The following AVEN variants were observed in gnomAD, a reference collection of about 807,000 sequenced individuals.
AVEN encodes cell death regulator Aven.
In AVEN, 41 loss-of-function variants were observed where a neutral mutation model predicts 38.1. That is an observed-to-expected ratio of 1.08 (90% CI 0.84 to 1.40). The LOEUF (loss-of-function observed/expected upper bound fraction) is 1.40. AVEN is among the 40% of genes most tolerant of loss of function. The probability of loss-of-function intolerance (pLI) is 0.00; values close to 1 mark genes in which losing one functional copy is unlikely to be tolerated. For missense variants in AVEN, 605 were observed against 438.8 expected, an observed-to-expected ratio of 1.38 and a Z score of -3.38; for synonymous variants, 206 against 171.8, an observed-to-expected ratio of 1.20 and a Z score of -1.56.
chr15:33,971,080 A>C (rs1027735210), intron 2 of AVEN, among the ~76,000 whole-genome samples: 1 of 152,036 alleles, frequency 6.6e-6, no homozygotes, highest in Non-Finnish European at 1.5e-5. Context: ...GGGTGAAAAA[A>C]AAATTGAAAA....
At chr15:33,997,941 T>C (rs1897003024) in intron 2 of AVEN, among the ~76,000 whole-genome samples, 1 of 152,176 alleles carries the variant, frequency 6.6e-6, no homozygotes, top group South Asian at 2.1e-4. Flanking sequence ...CCAACATCTA[T>C]ACCACATTTT....
At chr15:34,040,991 T>C (rs1289057577), upstream of AVEN, among the ~76,000 whole-genome samples, 1 of 151,946 alleles carries the variant, frequency 6.6e-6, no homozygotes, top group African/African-American at 2.4e-5. Flanking sequence ...TATGGTTAAA[T>C]ATCTACCAGC....
chr15:33,871,561 T>A (rs1391010126), intron 3 of AVEN, among the ~76,000 whole-genome samples: 1 of 149,986 alleles, frequency 6.7e-6, no homozygotes, highest in Non-Finnish European at 1.5e-5. Flanking sequence ...AGAGTGAAAC[T>A]CCATCTCAAA....
chr15:33,883,635 G>C (rs145709914), intron 2 of AVEN: 34 of 152,166 alleles, frequency 2.2e-4, no homozygotes, highest in African/African-American at 7.2e-4. Flanking sequence ...ATAGAAATTA[G>C]TCAAAATAAT....
intron 1 of AVEN, among the ~76,000 whole-genome samples, chr15:34,024,775 A>T (rs2339350): frequency 5.3e-5 from 8 of 150,258 alleles, no homozygotes; most frequent in East Asian, 2.0e-4. Flanking sequence ...GCAGGAGAAT[A>T]GCTTGAACCC....
At chr15:33,971,246 C>T (rs1360520981) in intron 2 of AVEN, among the ~76,000 whole-genome samples, 1 of 151,924 alleles carries the variant, frequency 6.6e-6, no homozygotes, top group Non-Finnish European at 1.5e-5. Flanking sequence ...AATGACCTGC[C>T]TACTTGTTTC....
intron 3 of AVEN, among the ~76,000 whole-genome samples, chr15:33,874,415 G>T (rs1187004207): frequency 6.6e-6 from 1 of 151,998 alleles, no homozygotes; most frequent in Non-Finnish European, 1.5e-5. Flanking sequence ...GCATAACCTC[G>T]TTTTCCTGAT....
chr15:33,933,510 CACACACACACACACAGAGAG>C (rs1893930844), intron 2 of AVEN, among the ~76,000 whole-genome samples: 1 of 119,144 alleles, frequency 8.4e-6, no homozygotes, highest in African/African-American at 3.2e-5. Flanking sequence ...CACACACACA[CACACACACACACACAGAGAG>C]AGAGAGAGAG....
rs1237742977 is a variant in AVEN at position 34,070,175 on chromosome 15, C to G, written n.784+413G>C. 2.0e-5 allele frequency among the ~76,000 whole-genome samples: 3 copies of G among 152,148 alleles called. No individual in the cohort carries two copies. The South Asian group carries it at 6.2e-4, about 32-fold the overall frequency. ...AGATGCTTATAAAACCATCAGATCT[C>G]GTGAGAACTTACTATCACGAGAACA... is the stretch of plus-strand genomic sequence containing the variant. On this transcript the variant is annotated intron_variant and non_coding_transcript_variant, in intron 2 of 11. Coordinates refer to the AVEN transcript ENST00000675287.
intron 2 of AVEN, among the ~76,000 whole-genome samples, chr15:33,941,915 T>C (rs543534009): frequency 1.3e-5 from 2 of 152,316 alleles, no homozygotes; most frequent in African/African-American, 4.8e-5. Context: ...TGTTCTTTTG[T>C]ACATGTAGCC....
At chr15:34,027,007 A>AG (rs753665703) in intron 1 of AVEN, among the ~76,000 whole-genome samples, 14,569 of 152,264 alleles carry the variant, frequency 0.096, 908 homozygotes, top group East Asian at 0.33. Context: ...AAAAAATAGA[A>AG]TAGAAGTACT....
intron 2 of AVEN, among the ~76,000 whole-genome samples, chr15:33,985,333 A>G (rs903001844): frequency 2.4e-5 from 2 of 83,968 alleles, no homozygotes; most frequent in African/African-American, 5.0e-5. Flanking sequence ...AGTCCTGTAC[A>G]TGCTGTGGGC....
chr15:33,853,466 T>C, the AVEN span: 2 of 1,476,802 alleles, frequency 1.4e-6, no homozygotes, highest in East Asian at 2.3e-5. Context: ...AGATTGCCCA[T>C]AGGGCAGCAA....
At chr15:33,939,143 A>G (rs1357234057) in intron 2 of AVEN, among the ~76,000 whole-genome samples, 3 of 152,072 alleles carry the variant, frequency 2.0e-5, no homozygotes, top group Admixed American at 6.6e-5. Flanking sequence ...GCCCGGCCAC[A>G]CCTATTTCTT....
chr15:33,876,093 G>A, intron 2 of AVEN, 98 bp from the exon 3 acceptor site: 1 of 1,102,308 alleles, frequency 9.1e-7, no homozygotes, highest in Non-Finnish European at 1.3e-6. Flanking sequence ...TTTCTGAAGT[G>A]CTCAAACTCA....
In AVEN at chr15:34,003,038, A is replaced by G. The variant is rs1230414370; in HGVS notation, c.439T>C (p.Ser147Pro). Residue 147 changes from serine to proline, a missense_variant, in exon 2 of 6, where the codon TCT becomes CCT. Transcript: ENST00000306730. ...ATGCAACTGGAATTCATACCTGCAGAGCTAAGGAGGACACTGAAATCTGTT... is the reference window on the plus strand; with the variant it reads ...ATGCAACTGGAATTCATACCTGCAGGGCTAAGGAGGACACTGAAATCTGTT... ...RGTDFSVLLS[S>P]AGDSFSQFRF... 4.3e-6 allele frequency: 7 copies of G among 1,612,792 alleles called. No homozygotes were observed. The highest frequency in any genetic ancestry group is 5.9e-6 in the Non-Finnish European group (7 of 1,179,512).
Position 34,037,854 on chromosome 15 carries a change from T to G in AVEN, c.267+926A>C, listed in dbSNP as rs543611472. ...CCTCAAGATATTGTAAATACTTCAG[T>G]AAGAGCAAATTTTGCCTCATGCAAA... On this transcript the variant is annotated intron_variant, in intron 1 of 5. Coordinates refer to ENST00000306730, the MANE Select transcript of AVEN (RefSeq NM_020371.3). Among the ~76,000 whole-genome samples the G allele has an allele frequency of 4.6e-5, 7 of 152,278 alleles. No individual in the cohort carries two copies. In the East Asian group the frequency reaches 7.7e-4, roughly 17 times the overall value.
intron 1 of AVEN, chr15:34,007,123 T>C (rs1399329137): frequency 6.8e-6 from 6 of 884,956 alleles, no homozygotes; most frequent in Admixed American, 6.2e-5. Flanking sequence ...AGACCTATTA[T>C]ATAATCAAAC....
intron 1 of AVEN, among the ~76,000 whole-genome samples, chr15:34,009,720 G>A (rs1346925798): frequency 1.3e-5 from 2 of 152,182 alleles, no homozygotes; most frequent in African/African-American, 4.8e-5. Flanking sequence ...AGGCACAGTG[G>A]TTCATGCCTG....
Sources: gnomAD v4.1 joint callset for allele counts (sites outside exome capture counted in the v4.1 genomes callset) on GRCh38, gnomAD v4.1.1 for gene constraint, MANE v1.5 for transcripts, NCBI Gene and HGNC (gene_info 2026-07-23, HGNC 2026-07-21) for gene names.